Variants in PRMT7 observed in about 807,000 individuals in gnomAD.
PRMT7 encodes the protein protein arginine N-methyltransferase 7.
PRMT7 carries 75 observed loss-of-function variants against 85.4 expected under a neutral mutation model. The ratio of observed to expected loss-of-function variants is 0.88; its 90% CI spans 0.73 to 1.06. The LOEUF (loss-of-function observed/expected upper bound fraction) is 1.06, where lower values mean the gene tolerates loss of function less well. Among genes scored for constraint, PRMT7 ranks in the 50% least tolerant of loss-of-function variants. PRMT7 has a pLI of 0.00. For missense variants in PRMT7, 868 were observed against 915.2 expected (o/e 0.95, Z 0.67); for synonymous variants, 397 against 359.5 (o/e 1.10, Z -1.18).
intron 18 of PRMT7, 61 bp from the exon 19 acceptor site, chr16:68,356,993 G>A: frequency 6.5e-7 from 1 of 1,531,440 alleles, no homozygotes; most frequent in Admixed American, 1.8e-5. Flanking sequence ...CTGGAGGCTG[G>A]CTAGGAAGGA....
At chr16:68,346,118 C>T (rs969273668) in intron 10 of PRMT7, 27 bp from the exon 11 acceptor site, 21 of 1,611,506 alleles carry the variant, frequency 1.3e-5, no homozygotes, top group East Asian at 6.7e-5. Context: ...TCACAGCCCA[C>T]GTCTGTTTGT....
intron 11 of PRMT7, 55 bp downstream of exon 11, chr16:68,346,335 C>G (rs539214315): frequency 1.2e-6 from 2 of 1,605,950 alleles, no homozygotes; most frequent in African/African-American, 2.7e-5. Context: ...GAAGTTTGTC[C>G]CATGAACCCC....
chr16:68,325,292 C>T (rs901767464), intron 5 of PRMT7, among the ~76,000 whole-genome samples: 1 of 152,218 alleles, frequency 6.6e-6, no homozygotes, highest in Non-Finnish European at 1.5e-5. Flanking sequence ...CCCGGAAAGT[C>T]AAGGCTGCAG....
chr16:68,347,087 G>A (rs933933918), intron 11 of PRMT7, 124 bp from the exon 12 acceptor site: 7 of 811,294 alleles, frequency 8.6e-6, no homozygotes, highest in East Asian at 2.8e-5. Context: ...GCATGAGGAC[G>A]CAGGGGGATG....
chr16:68,315,526 G>A (rs1168224927), intron 2 of PRMT7: 2 of 192,916 alleles, frequency 1.0e-5, no homozygotes, highest in Non-Finnish European at 2.1e-5. Context: ...AGGCAGTATT[G>A]GTGGCACTTC....
chr16:68,331,018 A>C (rs142580663), intron 6 of PRMT7, among the ~76,000 whole-genome samples: 72 of 152,372 alleles, frequency 4.7e-4, no homozygotes, highest in African/African-American at 1.4e-3. Flanking sequence ...TGACAAATAT[A>C]AACACACTTG....
At chr16:68,313,221 A>C (rs908783814) in intron 2 of PRMT7, among the ~76,000 whole-genome samples, 6 of 152,026 alleles carry the variant, frequency 3.9e-5, no homozygotes, top group Non-Finnish European at 2.9e-5. Context: ...CTTCACTATA[A>C]GTTTTTTTTT....
Position 68,345,777 on chromosome 16 carries a change from G to T in PRMT7, c.1030G>T (p.Val344Leu). Residue 344 changes from valine to leucine, a missense_variant, in exon 10 of 19, where the codon GTA (valine) becomes TTA (leucine). By Grantham distance (32) the Val-to-Leu change is conservative. Transcript: ENST00000441236. ...YLVAHHDDYCVWYSLQRTSPE... is the reference protein window; with the variant it reads ...YLVAHHDDYCLWYSLQRTSPE... ...GGTAGCCCACCACGATGACTACTGC[G>T]TATGGTACAGCCTGCAGAGGACCAG... 8 of 1,614,138 alleles carry T rather than the reference G, an allele frequency of 5.0e-6. No individual in the cohort carries two copies. Among genetic ancestry groups the T allele is most frequent in the Non-Finnish European group, 6.8e-6 (8 of 1,180,038 alleles).
intron 6 of PRMT7, among the ~76,000 whole-genome samples, chr16:68,336,492 C>G (rs949977535): frequency 3.9e-5 from 6 of 152,198 alleles, no homozygotes; most frequent in African/African-American, 1.4e-4. Context: ...GCTGGAAGAT[C>G]ATCAGAGAAC....
chr16:68,346,173 A>G lies in PRMT7; in HGVS notation c.1084A>G (p.Met362Val). The change falls in exon 11 of 19, where the codon ATG becomes GTG. Residue 362 changes from methionine (M) to valine (V), a missense_variant. Coordinates refer to ENST00000441236, the MANE Select transcript of PRMT7 (RefSeq NM_019023.5). ...TGAAAAGAATGAGAGAGTCCGCCAG[A>G]TGCGCCCCGTGTGTGACTGCCAGGC... ...SPEKNERVRQMRPVCDCQAHL... is the reference protein window; with the variant it reads ...SPEKNERVRQVRPVCDCQAHL... 6.2e-7 allele frequency: 1 copy of G among 1,614,066 alleles called. No homozygotes were observed. The highest frequency in any genetic ancestry group is 1.3e-5 in the African/African-American group (1 of 75,022).
At chr16:68,340,196 T>C (rs2085300237) in intron 9 of PRMT7, among the ~76,000 whole-genome samples, 1 of 152,148 alleles carries the variant, frequency 6.6e-6, no homozygotes, top group Non-Finnish European at 1.5e-5. Context: ...AACAGAGAAG[T>C]TGGCTTTCCT....
chr16:68,346,109 C>CAA, intron 10 of PRMT7, 36 bp from the exon 11 acceptor site: 1 of 1,610,318 alleles, frequency 6.2e-7, no homozygotes, highest in African/African-American at 1.3e-5. Flanking sequence ...TGGAGGCGCT[C>CAA]ACAGCCCACG....
intron 3 of PRMT7, among the ~76,000 whole-genome samples, chr16:68,319,330 T>G (rs1360422243): frequency 6.6e-6 from 1 of 151,718 alleles, no homozygotes; most frequent in Admixed American, 6.6e-5. Flanking sequence ...ATAGCCAGCA[T>G]GGAAAGGAAG....
Position 68,347,569 on chromosome 16 carries a change from A to G in PRMT7, c.1276-62A>G, listed in dbSNP as rs145988365. On this transcript the variant is annotated intron_variant, in intron 12 of 18. Transcript: ENST00000441236. ...CTTAGGATGGTCTTGTCGCATTTTA[A>G]TCTTTAATTTCTTCTCTGTTAAGTG... The G allele has an allele frequency of 1.0e-4, 156 of 1,543,280 alleles. 1 individual carries two copies. Among genetic ancestry groups the G allele is most frequent in the Middle Eastern group, 1.0e-3 (6 of 5,938 alleles).
At chr16:68,335,838 G>A (rs936731604) in intron 6 of PRMT7, among the ~76,000 whole-genome samples, 12 of 150,500 alleles carry the variant, frequency 8.0e-5, no homozygotes, top group African/African-American at 2.9e-4. Context: ...GTGCAGTGGC[G>A]TGATCTCGGC....
intron 13 of PRMT7, among the ~76,000 whole-genome samples, chr16:68,347,955 A>G (rs936208545): frequency 6.6e-6 from 1 of 152,202 alleles, no homozygotes; most frequent in Non-Finnish European, 1.5e-5. Context: ...AATTAAATGT[A>G]GGATGTGTTT....
chr16:68,330,847 G>C (rs145694008), intron 6 of PRMT7, among the ~76,000 whole-genome samples: 7 of 152,036 alleles, frequency 4.6e-5, no homozygotes, highest in Non-Finnish European at 1.0e-4. Flanking sequence ...AGCCTGCCTC[G>C]GCCTCCGAAA....
At position 68,357,111 on chromosome 16, in the gene PRMT7, C is replaced by T. The variant is rs1041486594; in HGVS notation, c.1966C>T (p.Pro656Ser). ...KQAVYFFSPA[P>S]DPRALLGGPR... ...GGCCGTCTACTTCTTCAGCCCTGCC[C>T]CAGATCCCAGAGCACTGCTGGGTGG... The change falls in exon 19 of 19, where the codon CCA (proline) becomes TCA (serine). Residue 656 changes from proline to serine, a missense_variant. Physicochemically the swap from Pro to Ser is moderately conservative, Grantham distance 74. Transcript: ENST00000441236. 6.2e-7 allele frequency: 1 copy of T among 1,613,802 alleles called. No homozygotes were observed. The highest frequency in any genetic ancestry group is 1.3e-5 in the African/African-American group (1 of 74,948).
chr16:68,323,029 C>G (rs1029214896), intron 4 of PRMT7, among the ~76,000 whole-genome samples: 17 of 150,798 alleles, frequency 1.1e-4, no homozygotes, highest in Non-Finnish European at 5.9e-5. Flanking sequence ...GAGACTCCGT[C>G]TCAAAAAAAA....
Sources: allele counts gnomAD v4.1 joint callset (sites outside exome capture counted in the v4.1 genomes callset), GRCh38; gene constraint gnomAD v4.1.1; transcripts MANE v1.5; gene names NCBI Gene and HGNC (gene_info 2026-07-23, HGNC 2026-07-21).